ACOXL: variants seen among roughly 807,000 people sequenced by gnomAD.
The protein encoded by ACOXL is acyl-coenzyme A oxidase-like protein.
In ACOXL, 70 loss-of-function variants were observed where a neutral mutation model predicts 71.9. That is an observed-to-expected ratio of 0.97 (90% CI 0.80 to 1.19). ACOXL has a LOEUF of 1.19. Ranked by LOEUF, ACOXL falls within the 50% of genes most tolerant of loss-of-function variation. The pLI is 0.00. For missense variants in ACOXL, 703 were observed against 736.3 expected (o/e 0.95, Z 0.52); for synonymous variants, 253 against 281.6 (o/e 0.90, Z 1.02).
chr2:110,737,550 T>G (rs1173246766), intron 1 of ACOXL, among the ~76,000 whole-genome samples: 1 of 152,244 alleles, frequency 6.6e-6, no homozygotes, highest in Non-Finnish European at 1.5e-5. Context: ...TCTTCAGAGA[T>G]AATTGTCTCC....
At chr2:110,973,663 A>T (rs907961980) in intron 12 of ACOXL, among the ~76,000 whole-genome samples, 4 of 152,092 alleles carry the variant, frequency 2.6e-5, no homozygotes, top group Non-Finnish European at 5.9e-5. Flanking sequence ...GAGTGGACAC[A>T]GCTGGAGGTG....
At chr2:110,882,916 A>G (rs771120856) in intron 10 of ACOXL, among the ~76,000 whole-genome samples, 12 of 152,188 alleles carry the variant, frequency 7.9e-5, no homozygotes, top group Non-Finnish European at 1.8e-4. Flanking sequence ...AGTTGTTTGC[A>G]TGTATTTCAA....
chr2:110,890,364 A>G (rs1162689838), intron 10 of ACOXL, among the ~76,000 whole-genome samples: 2 of 152,140 alleles, frequency 1.3e-5, no homozygotes, highest in Non-Finnish European at 1.5e-5. Flanking sequence ...TGCTTTTGGT[A>G]TCATACCTAA....
At chr2:110,765,653 T>A (rs1321884398) in intron 1 of ACOXL, among the ~76,000 whole-genome samples, 2 of 152,226 alleles carry the variant, frequency 1.3e-5, no homozygotes, top group Non-Finnish European at 2.9e-5. Flanking sequence ...AGGGTCTTGC[T>A]TTCTGGTTCA....
chr2:110,947,904 C>T (rs1461143711), intron 12 of ACOXL, among the ~76,000 whole-genome samples: 1 of 152,240 alleles, frequency 6.6e-6, no homozygotes, highest in Admixed American at 6.5e-5. Context: ...GCCCGGATGC[C>T]CATGGCCAGG....
intron 17 of ACOXL, among the ~76,000 whole-genome samples, chr2:111,105,524 TCAGCACACAAG>T (rs2069479209): frequency 6.6e-6 from 1 of 152,116 alleles, no homozygotes; most frequent in Non-Finnish European, 1.5e-5. Flanking sequence ...TTTACTGTGT[TCAGCACACAAG>T]TCCTAGTCTT....
At position 110,869,663 on chromosome 2, in the gene ACOXL, T is replaced by C. The variant is rs140326456; in HGVS notation, c.788+28258T>C. ...GCCCAGGTGACCCTCCCCTTATTCA[T>C]TGGCCACAAGAGGCAAAGTAGCCAG... On this transcript the variant is annotated intron_variant, in intron 10 of 17. Transcript: ENST00000439055. Among the ~76,000 whole-genome samples, 307 of 152,314 alleles carry C rather than the reference T, an allele frequency of 2.0e-3. 2 individuals carry two copies. The highest frequency in any genetic ancestry group is 7.1e-3 in the African/African-American group (297 of 41,582).
chr2:111,032,570 GA>G (rs2065327252), intron 15 of ACOXL, among the ~76,000 whole-genome samples: 1 of 152,192 alleles, frequency 6.6e-6, no homozygotes, highest in Non-Finnish European at 1.5e-5. Flanking sequence ...TGTTAAAAGA[GA>G]AAGGCCAGTT....
intron 10 of ACOXL, among the ~76,000 whole-genome samples, chr2:110,895,798 G>T (rs188751181): frequency 6.8e-4 from 103 of 152,188 alleles, no homozygotes; most frequent in African/African-American, 2.2e-3. Context: ...TCTATATCCA[G>T]TAAAAATGTC....
At chr2:111,022,421 T>TCA (rs10543530) in intron 14 of ACOXL, among the ~76,000 whole-genome samples, 3,014 of 147,462 alleles carry the variant, frequency 0.02, 34 homozygotes, top group African/African-American at 0.036. Flanking sequence ...AGACCCCTCC[T>TCA]CACACACACA....
At chr2:110,770,187 C>A (rs1363245520) in intron 2 of ACOXL, among the ~76,000 whole-genome samples, 1 of 152,338 alleles carries the variant, frequency 6.6e-6, no homozygotes, top group East Asian at 1.9e-4. Flanking sequence ...CCTTTCCCCA[C>A]CCAGCATGGT....
At position 110,908,903 on chromosome 2, in the gene ACOXL, C is replaced by T; in HGVS notation, c.903C>T (p.Ser301=). The change falls in exon 11 of 18, where the codon AGC becomes AGT. Residue 301 remains serine, a splice_region_variant and synonymous_variant. Transcript: ENST00000439055. ...LATALALTFV[S]RYAGALLDED... Reference sequence around the variant, plus strand: ...CAGCCTTGGCCCTGACCTTCGTCAGCAGGTGAGATGGCTCTCAGGGTTTGC... The same window carrying T: ...CAGCCTTGGCCCTGACCTTCGTCAGTAGGTGAGATGGCTCTCAGGGTTTGC... The T allele has an allele frequency of 6.2e-7, 1 of 1,612,314 alleles. No homozygotes were observed. Among genetic ancestry groups the T allele is most frequent in the Non-Finnish European group, 8.5e-7 (1 of 1,178,716 alleles).
intron 14 of ACOXL, among the ~76,000 whole-genome samples, chr2:111,028,789 A>G (rs2065130821): frequency 6.6e-6 from 1 of 152,210 alleles, no homozygotes; most frequent in African/African-American, 2.4e-5. Flanking sequence ...GGAAATAGTC[A>G]TATCTTTTCA....
Position 110,942,856 on chromosome 2 carries a change from C to T in ACOXL, c.1059+9214C>T, listed in dbSNP as rs551706727. On this transcript the variant is annotated intron_variant, in intron 12 of 17. Transcript: ENST00000439055. ...CCAAGATCATGCCACTGGACTCCAG[C>T]CTGGGTGACAGAGTGTGACCCTGAA... Among the ~76,000 whole-genome samples the T allele has an allele frequency of 1.9e-4, 28 of 148,934 alleles. No individual in the cohort carries two copies. In the South Asian group the frequency reaches 5.8e-3, roughly 31 times the overall value.
At chr2:110,999,153 G>T (rs1013449284) in intron 14 of ACOXL, among the ~76,000 whole-genome samples, 1 of 152,088 alleles carries the variant, frequency 6.6e-6, no homozygotes, top group Non-Finnish European at 1.5e-5. Context: ...GTTCCCAAAG[G>T]GTTGGTTTTC....
intron 11 of ACOXL, among the ~76,000 whole-genome samples, chr2:110,912,776 T>C (rs2059691391): frequency 6.6e-6 from 1 of 152,146 alleles, no homozygotes; most frequent in African/African-American, 2.4e-5. Context: ...GGTAAAAGAT[T>C]TTTTGTGCTT....
In ACOXL at chr2:111,009,580, G is replaced by C. The variant is rs142908250; in HGVS notation, c.1281+13576G>C. ...ACTGCCAAGATTAGTGAAAATGAAG[G>C]AGGAACATCCCAAAAAGAAAGAAGC... On this transcript the variant is annotated intron_variant, in intron 14 of 17. Coordinates refer to ENST00000439055, the MANE Select transcript of ACOXL (RefSeq NM_001142807.4). Among the ~76,000 whole-genome samples the C allele has an allele frequency of 7.2e-5, 11 of 151,900 alleles. No homozygotes were observed. The East Asian group carries it at 2.1e-3, about 29-fold the overall frequency.
chr2:111,118,007 C>T lies in ACOXL; in HGVS notation c.*191C>T, dbSNP rs2070475321. On this transcript the variant is annotated 3_prime_UTR_variant, in exon 18 of 18. Transcript: ENST00000439055. ...CTGGCTGCTAGGAAAGAGATCCAGA[C>T]GGTCGCCTGGTGCGCTGGATCCCTG... 10 of 679,718 alleles carry T rather than the reference C, an allele frequency of 1.5e-5. No homozygotes were observed. Among genetic ancestry groups the T allele is most frequent in the Middle Eastern group, 4.1e-4 (1 of 2,462 alleles). The allele number at this position is 679,718 out of a possible 1,614,324, so 42.1% of individuals were successfully genotyped here.
chr2:110,990,926 G>T (rs1449019028), intron 13 of ACOXL, among the ~76,000 whole-genome samples: 3 of 152,222 alleles, frequency 2.0e-5, no homozygotes, highest in East Asian at 1.9e-4. Flanking sequence ...GGAGGAGATT[G>T]TATATTTATG....
Sources: gnomAD v4.1 joint callset for allele counts (sites outside exome capture counted in the v4.1 genomes callset) on GRCh38, gnomAD v4.1.1 for gene constraint, MANE v1.5 for transcripts, NCBI Gene and HGNC (gene_info 2026-07-23, HGNC 2026-07-21) for gene names.